Variants in CSMD1 observed in about 807,000 individuals in gnomAD.
CSMD1 encodes the protein CUB and sushi domain-containing protein 1.
CSMD1 carries 213 observed loss-of-function variants against 417.5 expected under a neutral mutation model. That is an observed-to-expected ratio of 0.51 (90% confidence interval 0.46 to 0.57). The LOEUF is 0.57. Ranked by LOEUF, CSMD1 falls within the 20% of genes least tolerant of loss-of-function variation. The probability of loss-of-function intolerance (pLI) is 0.00; values close to 1 mark genes in which losing one functional copy is unlikely to be tolerated. For missense variants in CSMD1, 6,923 were observed against 4,529.7 expected (o/e 1.53, Z -15.17); for synonymous variants, 2,862 against 1,736.8 (o/e 1.65, Z -16.11).
intron 7 of CSMD1, among the ~76,000 whole-genome samples, chr8:3,642,193 T>C (rs1211844324): frequency 1.3e-5 from 2 of 151,282 alleles, no homozygotes; most frequent in Non-Finnish European, 2.9e-5. Context: ...ATATAATATA[T>C]AGAAGATGAT....
At chr8:4,809,916 C>G (rs939897357) in intron 1 of CSMD1, among the ~76,000 whole-genome samples, 1 of 152,204 alleles carries the variant, frequency 6.6e-6, no homozygotes, top group Non-Finnish European at 1.5e-5. Flanking sequence ...CGGCCACTTA[C>G]CAAGTATATT....
chr8:3,104,730 CAG>C (rs1450852283), intron 46 of CSMD1, among the ~76,000 whole-genome samples: 1 of 130,058 alleles, frequency 7.7e-6, no homozygotes, highest in Admixed American at 8.5e-5. Flanking sequence ...TTTTTTGAGA[CAG>C]AGTTTTGCTG....
intron 3 of CSMD1, among the ~76,000 whole-genome samples, chr8:4,241,615 A>G (rs1802408693): frequency 6.6e-6 from 1 of 152,204 alleles, no homozygotes; most frequent in East Asian, 1.9e-4. Flanking sequence ...GAGGATTTCT[A>G]TGTAGAGGAG....
chr8:3,943,468 G>A (rs1209399864), intron 5 of CSMD1, among the ~76,000 whole-genome samples: 2 of 141,580 alleles, frequency 1.4e-5, no homozygotes, highest in Non-Finnish European at 3.0e-5. Flanking sequence ...TGACAAAAAT[G>A]ATCAGTCAGT....
In CSMD1 at chr8:3,796,384, A is replaced by ATC. The variant is rs1205972262; in HGVS notation, c.819-42343_819-42342insGA. Among the ~76,000 whole-genome samples, 132 of 64,758 alleles carry ATC rather than the reference A, an allele frequency of 2.0e-3. 31 individuals are homozygous for ATC. The highest frequency in any genetic ancestry group is 5.3e-3 in the African/African-American group (127 of 24,108). 42.5% of individuals were successfully genotyped at this position (64,758 alleles called of 152,430 possible). ...ATATAGATATCTATCATGTATATAT[A>ATC]TATCTATCATGTATAGATATAGATA... On this transcript the variant is annotated intron_variant, in intron 5 of 69. Transcript: ENST00000635120.
At chr8:4,811,220 C>A (rs7818080) in intron 1 of CSMD1, among the ~76,000 whole-genome samples, 59 of 152,192 alleles carry the variant, frequency 3.9e-4, no homozygotes, top group African/African-American at 1.4e-3. Context: ...TCACGAGGTT[C>A]AACAAGAGAA....
chr8:2,979,308 C>G (rs939781011), intron 54 of CSMD1, among the ~76,000 whole-genome samples: 5 of 152,326 alleles, frequency 3.3e-5, no homozygotes, highest in African/African-American at 1.2e-4. Flanking sequence ...TCCATCAACA[C>G]CTAACAGAAA....
intron 10 of CSMD1, among the ~76,000 whole-genome samples, chr8:3,534,271 T>A (rs1798099870): frequency 6.6e-6 from 1 of 152,192 alleles, no homozygotes; most frequent in African/African-American, 2.4e-5. Flanking sequence ...TTATTAATCT[T>A]TCTTTTGAAA....
intron 26 of CSMD1, among the ~76,000 whole-genome samples, chr8:3,280,174 A>C (rs897984227): frequency 6.6e-6 from 1 of 151,500 alleles, no homozygotes; most frequent in Non-Finnish European, 1.5e-5. Context: ...AACCCAATAC[A>C]GGTTTGCCTC....
chr8:4,372,497 A>C (rs1390536563), intron 3 of CSMD1, among the ~76,000 whole-genome samples: 1 of 152,106 alleles, frequency 6.6e-6, no homozygotes, highest in Admixed American at 6.6e-5. Flanking sequence ...ACAACAACAA[A>C]AAACAGAAAA....
At chr8:4,232,663 C>T (rs548078015) in intron 3 of CSMD1, among the ~76,000 whole-genome samples, 1 of 152,042 alleles carries the variant, frequency 6.6e-6, no homozygotes, top group Non-Finnish European at 1.5e-5. Context: ...ACTTTCTTAA[C>T]TAAAACTCTC....
chr8:4,521,857 G>A (rs529089422), intron 2 of CSMD1, among the ~76,000 whole-genome samples: 16 of 152,160 alleles, frequency 1.1e-4, no homozygotes, highest in African/African-American at 2.2e-4. Flanking sequence ...AAAACTCAGC[G>A]CTTTAGCTCC....
intron 5 of CSMD1, among the ~76,000 whole-genome samples, chr8:3,921,550 G>T (rs367569181): frequency 1.3e-5 from 2 of 151,726 alleles, no homozygotes; most frequent in Non-Finnish European, 2.9e-5. Context: ...TTCCCTCTTA[G>T]AACCACTTTT....
At chr8:3,439,295 A>ATG (rs1814797784) in intron 12 of CSMD1, among the ~76,000 whole-genome samples, 1 of 47,986 alleles carries the variant, frequency 2.1e-5, no homozygotes, top group African/African-American at 1.5e-4. Flanking sequence ...ATATATATAT[A>ATG]TATATATATA....
chr8:4,178,954 C>T (rs1221306818), intron 3 of CSMD1, among the ~76,000 whole-genome samples: 1 of 152,104 alleles, frequency 6.6e-6, no homozygotes, highest in Non-Finnish European at 1.5e-5. Flanking sequence ...AAGAACATTC[C>T]ATGCTCATGG....
intron 29 of CSMD1, among the ~76,000 whole-genome samples, chr8:3,216,081 T>G (rs1797866487): frequency 6.7e-6 from 1 of 150,070 alleles, no homozygotes; most frequent in Non-Finnish European, 1.5e-5. Context: ...TTTTCTCATT[T>G]AAGAATTTGA....
chr8:3,605,226 G>T (rs1341849597), intron 8 of CSMD1, among the ~76,000 whole-genome samples: 1 of 152,170 alleles, frequency 6.6e-6, no homozygotes. Flanking sequence ...TCCTGATCTT[G>T]TGATCCACCC....
chr8:3,730,769 C>A (rs1802799500), intron 6 of CSMD1, among the ~76,000 whole-genome samples: 1 of 152,152 alleles, frequency 6.6e-6, no homozygotes, highest in Non-Finnish European at 1.5e-5. Flanking sequence ...TTATGTGTCA[C>A]TCAGAGGTGA....
rs996025906 is a variant in CSMD1, at chr8:3,620,949, G to C, written c.1010-4152C>G. ...TCACAATTGACTGTATTTGGAGATAGAGACTTTAAAGAGGTAATTAACTTA... is the reference window on the plus strand; with the variant it reads ...TCACAATTGACTGTATTTGGAGATACAGACTTTAAAGAGGTAATTAACTTA... On this transcript the variant is annotated intron_variant, in intron 7 of 69. Transcript: ENST00000635120. Among the ~76,000 whole-genome samples, 3 of 152,170 alleles carry C rather than the reference G, an allele frequency of 2.0e-5. No individual in the cohort carries two copies. In the East Asian group the frequency reaches 5.8e-4, roughly 29 times the overall value.
Sources: allele counts gnomAD v4.1 joint callset (sites outside exome capture counted in the v4.1 genomes callset), GRCh38; gene constraint gnomAD v4.1.1; transcripts MANE v1.5; gene names NCBI Gene and HGNC (gene_info 2026-07-23, HGNC 2026-07-21).